HIVEP1: variants seen among roughly 807,000 people sequenced by gnomAD.
HIVEP1 encodes the protein zinc finger protein 40.
HIVEP1 carries 36 observed loss-of-function variants against 180.0 expected under a neutral mutation model. The observed-to-expected ratio is 0.20, with a 90% confidence interval of 0.15 to 0.26. The LOEUF is 0.26. HIVEP1 is among the 10% of genes least tolerant of loss of function. The pLI, the probability that HIVEP1 is intolerant of heterozygous loss-of-function variation, is 1.00. For missense variants in HIVEP1, 3,143 were observed against 3,268.7 expected, an observed-to-expected ratio of 0.96 and a Z score of 0.94; for synonymous variants, 1,239 against 1,239.0, an observed-to-expected ratio of 1.00 and a Z score of 0.00.
At chr6:12,055,577 T>C (rs1448178604) in intron 2 of HIVEP1, among the ~76,000 whole-genome samples, 2 of 152,200 alleles carry the variant, frequency 1.3e-5, no homozygotes, top group African/African-American at 4.8e-5. Flanking sequence ...GAGGATACAA[T>C]ATGGACATGG....
intron 6 of HIVEP1, among the ~76,000 whole-genome samples, chr6:12,133,598 T>C (rs3777775): frequency 0.29 from 43,909 of 152,102 alleles, 7,030 homozygotes; most frequent in Middle Eastern, 0.46. Flanking sequence ...TACTAAAAAC[T>C]TATATTTCTG....
chr6:12,020,890 C>CTT lies in HIVEP1; in HGVS notation c.40+5239_40+5240dup, dbSNP rs70981658. 6.2e-3 allele frequency among the ~76,000 whole-genome samples: 653 copies of CTT among 105,746 alleles called. 37 individuals carry two copies. Among genetic ancestry groups the CTT allele is most frequent in the Middle Eastern group, 0.019 (3 of 156 alleles). The allele number at this position is 105,746 out of a possible 152,430, so 69.4% of individuals were successfully genotyped here. On this transcript the variant is annotated intron_variant, in intron 2 of 8. Transcript: ENST00000379388. The stretch of plus-strand genomic sequence containing the variant: ...GAGAACCAGATTTCTTTCTTTCTTT[C>CTT]TTTTTTTTTTTTTTTTTTGAGACGG...
intron 2 of HIVEP1, among the ~76,000 whole-genome samples, chr6:12,082,233 G>A (rs975297628): frequency 2.0e-5 from 3 of 152,068 alleles, no homozygotes; most frequent in Admixed American, 6.6e-5. Context: ...ATCTGATTCA[G>A]TATGTCCTTC....
At chr6:12,072,689 A>C (rs1452777113) in intron 2 of HIVEP1, among the ~76,000 whole-genome samples, 1 of 151,458 alleles carries the variant, frequency 6.6e-6, no homozygotes, top group Non-Finnish European at 1.5e-5. Context: ...ATTTTTGTTG[A>C]CTTGTCTTCA....
chr6:12,088,200 C>T (rs1318166715), intron 2 of HIVEP1, among the ~76,000 whole-genome samples: 1 of 152,034 alleles, frequency 6.6e-6, no homozygotes, highest in Non-Finnish European at 1.5e-5. Flanking sequence ...TTACATCTTC[C>T]ATGGCCAGTG....
Position 12,122,756 on chromosome 6 carries a change from A to G in HIVEP1, c.2961A>G (p.Gly987=), listed in dbSNP as rs1378826677. Residue 987 remains glycine, a synonymous_variant, in exon 4 of 9, where the codon GGA becomes GGG. Coordinates refer to ENST00000379388, the MANE Select transcript of HIVEP1 (RefSeq NM_002114.4). ...AATTTTACTGTTCTGAGTTACATGG[A>G]CCAAAAACAAAGGTAGCCATGAGAG... ...HKKFYCSELH[G]PKTKVAMREP... is the part of the protein sequence containing the mutation. The G allele has an allele frequency of 1.2e-6, 2 of 1,611,906 alleles. No homozygotes were observed. The highest frequency in any genetic ancestry group is 4.5e-5 in the East Asian group (2 of 44,880).
At chr6:12,017,772 C>T (rs867081312) in intron 2 of HIVEP1, among the ~76,000 whole-genome samples, 1 of 152,190 alleles carries the variant, frequency 6.6e-6, no homozygotes. Context: ...AAACCTTGAG[C>T]TAGATAAAGA....
the HIVEP1 span, among the ~76,000 whole-genome samples, chr6:12,203,271 G>A: frequency 6.6e-6 from 1 of 152,212 alleles, no homozygotes; most frequent in Non-Finnish European, 1.5e-5. Flanking sequence ...ATGGAATGTG[G>A]TGACTTTTGA....
chr6:12,194,102 G>C, the HIVEP1 span, among the ~76,000 whole-genome samples: 4 of 152,088 alleles, frequency 2.6e-5, no homozygotes, highest in Admixed American at 6.6e-5. Flanking sequence ...ACAAAAAGAA[G>C]AGAATGCAAA....
rs1554135685 is a variant in HIVEP1, at chr6:12,051,026, A to ATG, written c.40+35359_40+35360insGT. Among the ~76,000 whole-genome samples the ATG allele has an allele frequency of 2.4e-4, 34 of 141,216 alleles. 1 individual carries two copies. Among genetic ancestry groups the ATG allele is most frequent in the African/African-American group, 8.7e-4 (33 of 37,826 alleles). The allele number at this position is 141,216 out of a possible 152,430, so 92.6% of individuals were successfully genotyped here. On this transcript the variant is annotated intron_variant, in intron 2 of 8. Transcript: ENST00000379388. ...CATATATATATATATATATATATATATATATGTATATTAAAATAAATATCA... is the reference window on the plus strand; with the variant it reads ...CATATATATATATATATATATATATATGTATATGTATATTAAAATAAATATCA...
chr6:12,091,302 G>C (rs959531347), intron 3 of HIVEP1, among the ~76,000 whole-genome samples: 1 of 151,780 alleles, frequency 6.6e-6, no homozygotes, highest in South Asian at 2.1e-4. Flanking sequence ...TTTTTCTGAC[G>C]TACTTTGGGT....
intron 3 of HIVEP1, among the ~76,000 whole-genome samples, chr6:12,117,426 T>C (rs187243579): frequency 1.3e-5 from 2 of 152,348 alleles, no homozygotes; most frequent in African/African-American, 4.8e-5. Flanking sequence ...AGTAGATTTA[T>C]AGAAAATAGT....
the HIVEP1 span, among the ~76,000 whole-genome samples, chr6:12,197,700 G>A: frequency 2.6e-3 from 400 of 152,256 alleles, 3 homozygotes; most frequent in African/African-American, 9.3e-3. Context: ...CCAAGGAAGG[G>A]TTTTAAGCTG....
chr6:12,022,392 G>A (rs569039392), intron 2 of HIVEP1, among the ~76,000 whole-genome samples: 6 of 152,000 alleles, frequency 3.9e-5, no homozygotes, highest in Admixed American at 6.5e-5. Flanking sequence ...GGCTGGTCTT[G>A]AACTCCTGAC....
intron 4 of HIVEP1, among the ~76,000 whole-genome samples, chr6:12,127,165 TAAA>T (rs551138456): frequency 2.8e-5 from 4 of 140,468 alleles, no homozygotes; most frequent in East Asian, 2.0e-4. Flanking sequence ...CCAGCAAGAA[TAAA>T]AAAAAAAATT....
the HIVEP1 span, among the ~76,000 whole-genome samples, chr6:12,174,036 C>G: frequency 2.0e-5 from 3 of 152,174 alleles, no homozygotes; most frequent in Non-Finnish European, 4.4e-5. Flanking sequence ...CATCTCTATA[C>G]TTTCATTACA....
upstream of HIVEP1, among the ~76,000 whole-genome samples, chr6:12,011,195 C>G (rs1249809159): frequency 6.6e-6 from 1 of 150,708 alleles, no homozygotes; most frequent in Non-Finnish European, 1.5e-5. Context: ...AGTTGTTTTT[C>G]AAAGTTAATG....
chr6:12,091,637 A>G (rs574600511), intron 3 of HIVEP1, among the ~76,000 whole-genome samples: 1 of 152,306 alleles, frequency 6.6e-6, no homozygotes, highest in East Asian at 1.9e-4. Flanking sequence ...TGCCTATCAT[A>G]CACCAATAGA....
the HIVEP1 span, among the ~76,000 whole-genome samples, chr6:12,186,767 C>G: frequency 6.6e-6 from 1 of 151,772 alleles, no homozygotes; most frequent in Non-Finnish European, 1.5e-5. Flanking sequence ...GACCAAATAC[C>G]CAGGAGAAAA....
Sources: allele counts gnomAD v4.1 joint callset (sites outside exome capture counted in the v4.1 genomes callset), GRCh38; gene constraint gnomAD v4.1.1; transcripts MANE v1.5; gene names NCBI Gene and HGNC (gene_info 2026-07-23, HGNC 2026-07-21).